RASSF5: variants seen among roughly 807,000 people sequenced by gnomAD.
RASSF5 encodes ras association domain-containing protein 5.
In RASSF5, 25 loss-of-function variants were observed where a neutral mutation model predicts 40.5. The observed-to-expected ratio is 0.62, with a 90% CI of 0.45 to 0.86. RASSF5 has a LOEUF of 0.86. RASSF5 is among the 40% of genes least tolerant of loss of function. The probability of loss-of-function intolerance (pLI) is 0.00; values close to 1 mark genes in which losing one functional copy is unlikely to be tolerated. For synonymous variants in RASSF5, 246 were observed against 252.4 expected, an observed-to-expected ratio of 0.97 and a Z score of 0.24; for missense variants, 521 against 572.8, an observed-to-expected ratio of 0.91 and a Z score of 0.92.
At chr1:206,557,101 G>A in intron 2 of RASSF5, 2 of 985,672 alleles carry the variant, frequency 2.0e-6, no homozygotes, top group Non-Finnish European at 2.4e-6. Context: ...CGGCGGGGAG[G>A]CGGGGGAGGG....
intron 2 of RASSF5, among the ~76,000 whole-genome samples, chr1:206,569,733 C>G (rs1668388511): frequency 6.6e-6 from 1 of 152,234 alleles, no homozygotes; most frequent in South Asian, 2.1e-4. Flanking sequence ...TTCTGTGCCC[C>G]TGACCTTTCT....
chr1:206,517,576 C>G (rs1666782549), intron 1 of RASSF5, among the ~76,000 whole-genome samples: 1 of 152,182 alleles, frequency 6.6e-6, no homozygotes, highest in African/African-American at 2.4e-5. Flanking sequence ...GGGAGGGACA[C>G]CCCTCTCTAG....
At chr1:206,545,901 C>T (rs1389127876) in intron 2 of RASSF5, among the ~76,000 whole-genome samples, 7 of 150,054 alleles carry the variant, frequency 4.7e-5, no homozygotes, top group African/African-American at 1.7e-4. Flanking sequence ...CTCATCTCTA[C>T]CCTTTGAGTA....
In RASSF5 at chr1:206,588,211, C is replaced by T. The variant is rs1669204794; in HGVS notation, c.*1233C>T. 6.5e-6 allele frequency: 1 copy of T among 152,834 alleles called. No individual in the cohort carries two copies. The highest frequency in any genetic ancestry group is 1.5e-5 in the Non-Finnish European group (1 of 68,102). 9.5% of individuals were successfully genotyped at this position (152,834 alleles called of 1,614,324 possible). On this transcript the variant is annotated 3_prime_UTR_variant, in exon 6 of 6. Coordinates refer to ENST00000579436, the MANE Select transcript of RASSF5 (RefSeq NM_182663.4). ...CTGGCTTCTCCTGCCAGGAAGTGAA[C>T]AATGGCGGCGGTGTGGGAGACAAGG...
At position 206,583,437 on chromosome 1, in the gene RASSF5, C is replaced by T. The variant is rs1473045417; in HGVS notation, c.690+58C>T. 7.8e-6 allele frequency: 9 copies of T among 1,158,210 alleles called. No homozygotes were observed. The East Asian group carries it at 9.5e-5, about 12-fold the overall frequency. 71.7% of individuals were successfully genotyped at this position (1,158,210 alleles called of 1,614,324 possible). On this transcript the variant is annotated intron_variant, in intron 3 of 5. Transcript: ENST00000579436. ...GCTCCACCACCCGCTTCGGGTTTGG[C>T]GCCTCTGCCCTCACTCTGAATTCTG...
chr1:206,515,583 C>T (rs1390026952), intron 1 of RASSF5, among the ~76,000 whole-genome samples: 2 of 152,138 alleles, frequency 1.3e-5, no homozygotes, highest in African/African-American at 4.8e-5. Flanking sequence ...GTGAAGAAGA[C>T]ATGGATAGGG....
chr1:206,585,254 C>G lies in RASSF5; in HGVS notation c.1063C>G (p.Leu355Val). 1 of 1,614,160 alleles carries G rather than the reference C, an allele frequency of 6.2e-7. No individual in the cohort carries two copies. The highest frequency in any genetic ancestry group is 1.3e-5 in the African/African-American group (1 of 75,038). The change falls in exon 5 of 6, where the codon CTC (leucine) becomes GTC (valine). Residue 355 changes from leucine to valine, a missense_variant. Coordinates refer to ENST00000579436, the MANE Select transcript of RASSF5 (RefSeq NM_182663.4). ...GCTTGCTGGGCCTGACACGGAGGTC[C>G]TCAGCTTTGTGCTAAAGGAGAATGA... ...RLLAGPDTEV[L>V]SFVLKENETG... is the part of the protein sequence containing the mutation.
intron 1 of RASSF5, among the ~76,000 whole-genome samples, chr1:206,508,354 A>G (rs1215085187): frequency 2.7e-5 from 4 of 148,966 alleles, no homozygotes; most frequent in Admixed American, 1.3e-4. Context: ...ACACACACAC[A>G]CTCGCACACA....
In RASSF5 at chr1:206,560,152, GGTC is replaced by G. The variant is rs1668098349; in HGVS notation, c.579+21864_579+21866del. On this transcript the variant is annotated intron_variant, in intron 2 of 5. Coordinates refer to ENST00000579436, the MANE Select transcript of RASSF5 (RefSeq NM_182663.4). This position sits in a 1 kb window ranked among gnomAD's most constrained non-coding sequence, Gnocchi z 5.1. ...AAGGAAAGGAGTTGATGTGTTTCCC[GGTC>G]GTCGAGAGATTGAGGCCCTCATCTG... Among the ~76,000 whole-genome samples the G allele has an allele frequency of 6.6e-6, 1 of 152,162 alleles. No homozygotes were observed. Among genetic ancestry groups the G allele is most frequent in the South Asian group, 2.1e-4 (1 of 4,830 alleles).
At chr1:206,518,109 G>T (rs1267021987) in intron 1 of RASSF5, among the ~76,000 whole-genome samples, 1 of 152,126 alleles carries the variant, frequency 6.6e-6, no homozygotes, top group African/African-American at 2.4e-5. Flanking sequence ...GTGAGGCTCG[G>T]GGCAGGCTCT....
chr1:206,555,962 A>T (rs1667973953), intron 2 of RASSF5, among the ~76,000 whole-genome samples: 1 of 152,142 alleles, frequency 6.6e-6, no homozygotes, highest in Admixed American at 6.5e-5. Context: ...CACCCAGCTT[A>T]TGTTTCCCCA....
At chr1:206,582,005 C>T (rs1668906444) in intron 2 of RASSF5, among the ~76,000 whole-genome samples, 1 of 152,178 alleles carries the variant, frequency 6.6e-6, no homozygotes. Flanking sequence ...CCTCACTGGG[C>T]CTCAGTTTCC....
Position 206,507,691 on chromosome 1 carries a change from G to T in RASSF5, c.89G>T (p.Gly30Val). ...EPPRYLQSLS[G>V]PELPPPPPDR... Reference sequence around the variant, plus strand: ...CCGCGCTATCTACAGAGCCTGAGCGGCCCCGAGCTACCGCCGCCGCCCCCC... The same window carrying T: ...CCGCGCTATCTACAGAGCCTGAGCGTCCCCGAGCTACCGCCGCCGCCCCCC... Residue 30 changes from glycine to valine, a missense_variant, in exon 1 of 6, where the codon GGC (glycine) becomes GTC (valine). Around this residue, in one of 2 missense-constraint regions of RASSF5, gnomAD observed 237 missense variants for 212.0 expected, o/e 1.12. Transcript: ENST00000579436. 6.7e-7 allele frequency: 1 copy of T among 1,499,358 alleles called. No individual in the cohort carries two copies. Among genetic ancestry groups the T allele is most frequent in the Non-Finnish European group, 8.8e-7 (1 of 1,130,976 alleles). The allele number at this position is 1,499,358 out of a possible 1,614,324, so 92.9% of individuals were successfully genotyped here.
intron 3 of RASSF5, 91 bp downstream of exon 3, chr1:206,583,470 T>A: frequency 1.1e-6 from 1 of 872,108 alleles, no homozygotes; most frequent in Non-Finnish European, 1.9e-6. Flanking sequence ...CTGTGGCTAC[T>A]CCCTGGCAGG....
At chr1:206,555,074 G>A (rs1667945335) in intron 2 of RASSF5, among the ~76,000 whole-genome samples, 1 of 152,178 alleles carries the variant, frequency 6.6e-6, no homozygotes, top group African/African-American at 2.4e-5. Context: ...AGAGTAGCCT[G>A]GGGGAAATAA....
At chr1:206,585,120 A>C in intron 4 of RASSF5, 60 bp from the exon 5 acceptor site, 5 of 1,305,064 alleles carry the variant, frequency 3.8e-6, no homozygotes, top group Non-Finnish European at 5.5e-6. Flanking sequence ...CTTTCCCGCA[A>C]GCCTGGGCCC....
At chr1:206,539,086 A>G (rs782757924) in intron 2 of RASSF5, among the ~76,000 whole-genome samples, 14 of 152,238 alleles carry the variant, frequency 9.2e-5, no homozygotes, top group Non-Finnish European at 1.8e-4. Flanking sequence ...AAGGCTTCCC[A>G]GAGGAGGTGA....
intron 2 of RASSF5, chr1:206,557,231 A>G: frequency 9.2e-7 from 1 of 1,092,288 alleles, no homozygotes; most frequent in Non-Finnish European, 1.1e-6. Flanking sequence ...GGCGCTCTGC[A>G]CGGCGGCGGA....
At chr1:206,523,944 A>G (rs1231116626) in intron 1 of RASSF5, among the ~76,000 whole-genome samples, 2 of 115,580 alleles carry the variant, frequency 1.7e-5, no homozygotes, top group Non-Finnish European at 1.6e-5. Context: ...AATATATTTT[A>G]TATATAATAT....
Sources: gnomAD v4.1 joint callset for allele counts (sites outside exome capture counted in the v4.1 genomes callset) on GRCh38, gnomAD v4.1.1 for gene constraint, gnomAD v4.1.1 regional missense constraint, Gnocchi (gnomAD v3.1) non-coding constraint, MANE v1.5 for transcripts, NCBI Gene and HGNC (gene_info 2026-07-23, HGNC 2026-07-21) for gene names.